Variants in POSTN observed in about 807,000 individuals in gnomAD.
The protein encoded by POSTN is osteoblast specific factor 2 (fasciclin I-like).
In POSTN, 71 loss-of-function variants were observed where a neutral mutation model predicts 104.5. The ratio of observed to expected loss-of-function variants is 0.68; its 90% CI spans 0.56 to 0.83. POSTN has a LOEUF of 0.83. POSTN is among the 40% of genes least tolerant of loss of function. The probability of loss-of-function intolerance (pLI) is 0.00; values close to 1 mark genes in which losing one functional copy is unlikely to be tolerated. For synonymous variants in POSTN, 355 were observed against 340.7 expected (o/e 1.04, Z -0.46); for missense variants, 949 against 1,006.8 (o/e 0.94, Z 0.78).
chr13:37,593,653 T>C (rs1453950371), intron 2 of POSTN, among the ~76,000 whole-genome samples: 1 of 151,468 alleles, frequency 6.6e-6, no homozygotes, highest in East Asian at 1.9e-4. Flanking sequence ...TTGTCTTAAT[T>C]GTATTCAAGA....
At chr13:37,573,559 T>C (rs866029945) in intron 17 of POSTN, among the ~76,000 whole-genome samples, 1 of 151,494 alleles carries the variant, frequency 6.6e-6, no homozygotes, top group African/African-American at 2.4e-5. Flanking sequence ...TTAAAAAATA[T>C]AGATAAAAGT....
intron 22 of POSTN, 37 bp from the exon 23 acceptor site, chr13:37,563,407 T>C: frequency 7.2e-7 from 1 of 1,392,308 alleles, no homozygotes; most frequent in Non-Finnish European, 9.8e-7. Context: ...AGACTGTAAA[T>C]GTTAGGAAAT....
chr13:37,582,309 A>G (rs889805854), intron 10 of POSTN, 57 bp downstream of exon 10: 79 of 1,517,814 alleles, frequency 5.2e-5, no homozygotes, highest in Middle Eastern at 1.7e-4. Flanking sequence ...ATTCATTGAA[A>G]CAGCATTATT....
intron 22 of POSTN, among the ~76,000 whole-genome samples, 176 bp from the exon 23 acceptor site, chr13:37,563,546 A>T (rs973490847): frequency 6.6e-6 from 1 of 152,098 alleles, no homozygotes; most frequent in Non-Finnish European, 1.5e-5. Context: ...TTTGATCAAA[A>T]GTATATAAAA....
rs1950800203 is a variant in POSTN at position 37,587,968 on chromosome 13, CCAAACCT to C, written c.453_459del (p.Gly152ArgfsTer4). 1 of 1,601,016 alleles carries C rather than the reference CCAAACCT, an allele frequency of 6.2e-7. No individual in the cohort carries two copies. The highest frequency in any genetic ancestry group is 8.5e-7 in the Non-Finnish European group (1 of 1,170,572). ...AGTAATTCAACATTCACGTTGCTCT[CCAAACCT>C]CTACGGATATCCTAGGAAAAATTGC... On this transcript the variant is annotated frameshift_variant, in exon 5 of 23. Coordinates refer to ENST00000379747, the MANE Select transcript of POSTN (RefSeq NM_006475.3). LOFTEE classifies it high-confidence loss of function.
chr13:37,588,341 C>T (rs1950818505), intron 4 of POSTN, among the ~76,000 whole-genome samples: 2 of 151,972 alleles, frequency 1.3e-5, no homozygotes, highest in African/African-American at 4.8e-5. Context: ...ACAAAAATGA[C>T]ATTATATTTG....
In POSTN at chr13:37,598,622, C is replaced by T; in HGVS notation, c.105G>A (p.Arg35=). Residue 35 remains arginine (R), a synonymous_variant, in exon 1 of 23, where the codon AGG becomes AGA. Transcript: ENST00000379747. ...CACTCACTTACCCTTGGTCCCGACC[C>T]CTGATACGACTATGAGCCAAGATCT... The part of the protein sequence containing the change: ...YDKILAHSRI[R]GRDQGPNVCA... 1 of 1,612,280 alleles carries T rather than the reference C, an allele frequency of 6.2e-7. No homozygotes were observed. The highest frequency in any genetic ancestry group is 1.7e-5 in the Admixed American group (1 of 59,982).
rs748997304 is a variant in POSTN, at chr13:37,580,716, G to C, written c.1393-19C>G. The C allele has an allele frequency of 5.3e-5, 85 of 1,613,358 alleles. No homozygotes were observed. In the East Asian group the frequency reaches 1.9e-3, roughly 36 times the overall value. On this transcript the variant is annotated intron_variant, in intron 10 of 22. Coordinates refer to ENST00000379747, the MANE Select transcript of POSTN (RefSeq NM_006475.3). ...AGACAGCCTAGGAAAGGAAAGAAAG[G>C]TATGGGGTGTCATTTTCCTTGCTTG...
intron 2 of POSTN, among the ~76,000 whole-genome samples, chr13:37,595,779 T>G (rs1330521277): frequency 6.6e-6 from 1 of 151,980 alleles, no homozygotes; most frequent in Non-Finnish European, 1.5e-5. Context: ...CAGGTAAGTC[T>G]ACAAGAAGTT....
chr13:37,567,629 A>G (rs1041035261), intron 21 of POSTN, among the ~76,000 whole-genome samples: 1 of 152,180 alleles, frequency 6.6e-6, no homozygotes, highest in East Asian at 1.9e-4. Flanking sequence ...TCACAATGCT[A>G]TAATAGTTGA....
At chr13:37,584,356 T>C (rs1025000633) in intron 8 of POSTN, among the ~76,000 whole-genome samples, 8 of 152,194 alleles carry the variant, frequency 5.3e-5, no homozygotes, top group Non-Finnish European at 1.2e-4. Context: ...TAATTCTCTA[T>C]TGTTCATCTC....
chr13:37,593,742 A>T (rs2138392185), intron 2 of POSTN, among the ~76,000 whole-genome samples: 1 of 151,674 alleles, frequency 6.6e-6, no homozygotes, highest in African/African-American at 2.4e-5. Flanking sequence ...GTATGATAAA[A>T]ATGATAAAAG....
intron 21 of POSTN, 56 bp downstream of exon 21, chr13:37,569,244 G>T: frequency 1.6e-6 from 2 of 1,286,704 alleles, no homozygotes; most frequent in Non-Finnish European, 2.2e-6. Flanking sequence ...TCTTTAAAAA[G>T]TTGAACTCAG....
At chr13:37,586,344 A>T in intron 6 of POSTN, 64 bp from the exon 7 acceptor site, 1 of 1,529,666 alleles carries the variant, frequency 6.5e-7, no homozygotes. Flanking sequence ...ATTGCAACAC[A>T]CTTAGCCTAG....
At chr13:37,579,453 T>G in intron 12 of POSTN, 94 bp from the exon 13 acceptor site, 1 of 1,047,808 alleles carries the variant, frequency 9.5e-7, no homozygotes, top group Non-Finnish European at 1.4e-6. Flanking sequence ...TCTTTTTCCA[T>G]ATTGTACTTT....
chr13:37,598,601 C>T lies in POSTN; in HGVS notation c.119+7G>A, dbSNP rs1331896461. On this transcript the variant is annotated splice_region_variant and intron_variant, in intron 1 of 22. Transcript: ENST00000379747. ...AAATGGTTTATAAAACCAAACCACT[C>T]ACTTACCCTTGGTCCCGACCCCTGA... 5.6e-6 allele frequency: 9 copies of T among 1,606,728 alleles called. No homozygotes were observed. Among genetic ancestry groups the T allele is most frequent in the Non-Finnish European group, 7.7e-6 (9 of 1,175,154 alleles).
chr13:37,586,667 C>A, intron 6 of POSTN, 115 bp downstream of exon 6: 2 of 1,012,154 alleles, frequency 2.0e-6, no homozygotes, highest in Admixed American at 2.6e-5. Context: ...GTAGTCCTTT[C>A]AAAAAATATG....
At chr13:37,582,807 T>C (rs1363504502) in intron 9 of POSTN, among the ~76,000 whole-genome samples, 1 of 152,220 alleles carries the variant, frequency 6.6e-6, no homozygotes, top group Non-Finnish European at 1.5e-5. Context: ...TGGCAAATGC[T>C]AAACCTTAAT....
chr13:37,582,382 ACT>A lies in POSTN; in HGVS notation c.1374_1375del (p.Arg458SerfsTer11), dbSNP rs758536217. On this transcript the variant is annotated frameshift_variant, in exon 10 of 23. Coordinates refer to ENST00000379747, the MANE Select transcript of POSTN (RefSeq NM_006475.3). LOFTEE classifies it high-confidence loss of function. ...TTCACTTACTGTACGATATACGAAG[ACT>A]CTGAGCTGTTTGCCTCCGATGGTTT... 6 of 1,612,580 alleles carry A rather than the reference ACT, an allele frequency of 3.7e-6. No individual in the cohort carries two copies. The African/African-American group carries it at 6.7e-5, about 18-fold the overall frequency.
Sources: allele counts gnomAD v4.1 joint callset (sites outside exome capture counted in the v4.1 genomes callset), GRCh38; gene constraint gnomAD v4.1.1; transcripts MANE v1.5; gene names NCBI Gene and HGNC (gene_info 2026-07-23, HGNC 2026-07-21).